Variants in NUP153 observed in about 807,000 individuals in gnomAD.
NUP153 encodes the protein nucleoporin 153, also known as nuclear pore complex protein Nup153.
A neutral mutation model predicts 134.6 loss-of-function variants in NUP153; 27 were observed. The observed-to-expected ratio is 0.20, with a 90% CI of 0.15 to 0.28. The LOEUF is 0.28. Among genes scored for constraint, NUP153 ranks in the 10% least tolerant of loss-of-function variants. NUP153 has a pLI of 1.00. For synonymous variants in NUP153, 640 were observed against 623.5 expected, an observed-to-expected ratio of 1.03 and a Z score of -0.40; for missense variants, 1,821 against 1,731.3, an observed-to-expected ratio of 1.05 and a Z score of -0.92.
Position 17,637,320 on chromosome 6 carries a change from C to T in NUP153, c.2297G>A (p.Ser766Asn), listed in dbSNP as rs1286816895. 2.5e-6 allele frequency: 4 copies of T among 1,614,206 alleles called. No individual in the cohort carries two copies. Among genetic ancestry groups the T allele is most frequent in the Non-Finnish European group, 3.4e-6 (4 of 1,180,046 alleles). The part of the protein sequence containing the change: ...RALTLTVVSE[S>N]AETMTASSSS... The stretch of plus-strand genomic sequence containing the variant: ...AGATGAAGCAGTCATAGTCTCAGCA[C>T]TTTCCGAAACCACTGTCAATGTAAG... Residue 766 changes from serine to asparagine, a missense_variant, in exon 16 of 22, where the codon AGT becomes AAT. By Grantham distance (46) the Ser-to-Asn change is conservative. Transcript: ENST00000262077.
chr6:17,673,305 G>A (rs942301454), intron 5 of NUP153, among the ~76,000 whole-genome samples: 6 of 151,994 alleles, frequency 3.9e-5, no homozygotes, highest in African/African-American at 1.5e-4. Flanking sequence ...GAGGTGGAGG[G>A]TGCGCCACTG....
chr6:17,701,575 T>C (rs1220863588), intron 1 of NUP153, among the ~76,000 whole-genome samples: 3 of 150,510 alleles, frequency 2.0e-5, no homozygotes, highest in South Asian at 2.1e-4. Flanking sequence ...GGCAGAGAAC[T>C]GCTTGAACCC....
chr6:17,665,396 A>T lies in NUP153; in HGVS notation c.1069-11T>A, dbSNP rs1767471487. 11 of 1,587,160 alleles carry T rather than the reference A, an allele frequency of 6.9e-6. No individual in the cohort carries two copies. The East Asian group carries it at 2.5e-4, about 36-fold the overall frequency. ...ATATTGAGAATCCACCTTACAGGTA[A>T]AGAGAAATCAAAAACATTTATTTTC... On this transcript the variant is annotated splice_polypyrimidine_tract_variant and intron_variant, in intron 8 of 21. Transcript: ENST00000262077.
chr6:17,683,750 T>C (rs1394603879), intron 2 of NUP153, among the ~76,000 whole-genome samples: 1 of 152,220 alleles, frequency 6.6e-6, no homozygotes, highest in Non-Finnish European at 1.5e-5. Context: ...TATCCTTTGA[T>C]GCCAGGCATT....
At chr6:17,678,374 A>AT in intron 2 of NUP153, among the ~76,000 whole-genome samples, 1 of 150,880 alleles carries the variant, frequency 6.6e-6, no homozygotes, top group Non-Finnish European at 1.5e-5. Context: ...AAAAAAAAAA[A>AT]AGATTCTGGC....
rs748132748 is a variant in NUP153 at position 17,646,128 on chromosome 6, A to C, written c.1659T>G (p.Val553=). 21 of 1,596,964 alleles carry C rather than the reference A, an allele frequency of 1.3e-5. No individual in the cohort carries two copies. In the African/African-American group the frequency reaches 2.5e-4, roughly 19 times the overall value. ...SSIGFTFSVP[V]AKTAELSGSS... ...AACCAGAAAGTTCTGCTGTTTTTGC[A>C]ACAGGCACACTAAATGTAAATCCAA... Residue 553 remains valine, a synonymous_variant, in exon 14 of 22, where the codon GTT becomes GTG. Transcript: ENST00000262077.
At chr6:17,705,580 G>A (rs942494870) in intron 1 of NUP153, among the ~76,000 whole-genome samples, 2 of 147,832 alleles carry the variant, frequency 1.4e-5, no homozygotes, top group Non-Finnish European at 3.0e-5. Flanking sequence ...CGGGGGTGGC[G>A]GTGTTGGGGG....
rs146551209 is a variant in NUP153 at position 17,629,041 on chromosome 6, A to C, written c.3158T>G (p.Ile1053Arg). Residue 1053 changes from isoleucine (I) to arginine (R), a missense_variant, in exon 18 of 22, where the codon ATA becomes AGA. By Grantham distance (97) the Ile-to-Arg change is moderately conservative. Transcript: ENST00000262077. ...ENKSSFNLGT[I>R]ETKSASVAPF... ...AGCCACTGAAGCACTCTTGGTTTCTATGGTTCCAAGGTTGAAGCTGCTCTT... is the reference window on the plus strand; with the variant it reads ...AGCCACTGAAGCACTCTTGGTTTCTCTGGTTCCAAGGTTGAAGCTGCTCTT... 21 of 1,614,054 alleles carry C rather than the reference A, an allele frequency of 1.3e-5. No individual in the cohort carries two copies. Among genetic ancestry groups the C allele is most frequent in the Non-Finnish European group, 1.8e-5 (21 of 1,180,022 alleles).
intron 2 of NUP153, among the ~76,000 whole-genome samples, chr6:17,685,272 G>C (rs115341329): frequency 0.061 from 9,291 of 152,250 alleles, 389 homozygotes; most frequent in Non-Finnish European, 0.084. Context: ...AACTAGTTGG[G>C]AGCGGTGGCT....
chr6:17,686,110 T>G (rs1768906388), intron 2 of NUP153, among the ~76,000 whole-genome samples: 2 of 152,082 alleles, frequency 1.3e-5, no homozygotes, highest in Admixed American at 1.3e-4. Context: ...ATGGTGCCAC[T>G]GCACTCCAGC....
At chr6:17,672,069 G>T (rs370458132) in intron 5 of NUP153, among the ~76,000 whole-genome samples, 70 of 152,178 alleles carry the variant, frequency 4.6e-4, no homozygotes, top group African/African-American at 1.7e-3. Flanking sequence ...GCCAATTTTA[G>T]ATTTTTATAG....
At chr6:17,660,039 A>G (rs1426939537) in intron 11 of NUP153, among the ~76,000 whole-genome samples, 1 of 152,206 alleles carries the variant, frequency 6.6e-6, no homozygotes, top group Non-Finnish European at 1.5e-5. Context: ...TTACAAGTCA[A>G]TTTATATGGC....
chr6:17,648,741 T>C (rs1286564653), intron 12 of NUP153, among the ~76,000 whole-genome samples: 1 of 151,942 alleles, frequency 6.6e-6, no homozygotes, highest in African/African-American at 2.4e-5. Flanking sequence ...AGATGGAAGC[T>C]GCAATGAGCT....
At chr6:17,623,356 C>T (rs1288496788) in intron 20 of NUP153, among the ~76,000 whole-genome samples, 1 of 35,416 alleles carries the variant, frequency 2.8e-5, no homozygotes, top group East Asian at 5.3e-4. Context: ...TGAAAAATGG[C>T]CAAAAAAAAA....
rs187276364 is a variant in NUP153 at position 17,691,491 on chromosome 6, G to A, written c.112-2873C>T. ...GTTTAAGACAGACTTAAGGCTGGGC[G>A]TGGTGGCTCATGCCTGTAATCTCAG... On this transcript the variant is annotated intron_variant, in intron 1 of 21. Coordinates refer to ENST00000262077, the MANE Select transcript of NUP153 (RefSeq NM_005124.4). Among the ~76,000 whole-genome samples the A allele has an allele frequency of 2.1e-3, 327 of 152,250 alleles. 1 individual carries two copies. Among genetic ancestry groups the A allele is most frequent in the Non-Finnish European group, 3.3e-3 (227 of 68,016 alleles).
rs1409274912 is a variant in NUP153, at chr6:17,629,029, C to T, written c.3170G>A (p.Ser1057Asn). 1.2e-6 allele frequency: 2 copies of T among 1,614,056 alleles called. No homozygotes were observed. The highest frequency in any genetic ancestry group is 1.3e-5 in the African/African-American group (1 of 74,920). ...SFNLGTIETK[S>N]ASVAPFTCKT... ...ACATGTGAAAGGAGCCACTGAAGCA[C>T]TCTTGGTTTCTATGGTTCCAAGGTT... Residue 1057 changes from serine to asparagine, a missense_variant, in exon 18 of 22, where the codon AGT (serine) becomes AAT (asparagine). Physicochemically the swap from Ser to Asn is conservative, Grantham distance 46. Transcript: ENST00000262077.
intron 14 of NUP153, among the ~76,000 whole-genome samples, chr6:17,644,382 C>T (rs1228471136): frequency 1.3e-5 from 2 of 152,174 alleles, no homozygotes; most frequent in Non-Finnish European, 2.9e-5. Context: ...AAAAATCATT[C>T]AACATCTCCC....
At chr6:17,681,736 G>T (rs1026688009) in intron 2 of NUP153, among the ~76,000 whole-genome samples, 1 of 151,988 alleles carries the variant, frequency 6.6e-6, no homozygotes. Context: ...TGTTTCCCAG[G>T]GTATCAAGTA....
At chr6:17,688,044 G>A (rs768564954) in intron 2 of NUP153, among the ~76,000 whole-genome samples, 3 of 151,968 alleles carry the variant, frequency 2.0e-5, no homozygotes, top group Admixed American at 6.6e-5. Flanking sequence ...GCATGAATTC[G>A]GGAGGCGGAG....
Sources: allele counts gnomAD v4.1 joint callset (sites outside exome capture counted in the v4.1 genomes callset), GRCh38; gene constraint gnomAD v4.1.1; transcripts MANE v1.5; gene names NCBI Gene and HGNC (gene_info 2026-07-23, HGNC 2026-07-21).